Variants in TNFSF4 observed in about 807,000 individuals in gnomAD.
TNFSF4 encodes TNF superfamily member 4.
A neutral mutation model predicts 7.3 loss-of-function variants in TNFSF4; 4 were observed. The observed-to-expected ratio is 0.55, with a 90% CI of 0.27 to 1.25. The LOEUF (loss-of-function observed/expected upper bound fraction) is 1.25. Ranked by LOEUF, TNFSF4 falls within the 50% of genes most tolerant of loss-of-function variation. TNFSF4 has a pLI of 0.12. For synonymous variants in TNFSF4, 76 were observed against 83.7 expected (o/e 0.91, Z 0.50); for missense variants, 181 against 208.8 (o/e 0.87, Z 0.82).
At chr1:173,228,008 G>T in the TNFSF4 span, among the ~76,000 whole-genome samples, 3 of 152,328 alleles carry the variant, frequency 2.0e-5, no homozygotes, top group East Asian at 5.8e-4. Context: ...CCACCTCTGG[G>T]GGCGGGGCAT....
the TNFSF4 span, among the ~76,000 whole-genome samples, chr1:173,397,126 G>C: frequency 6.6e-6 from 1 of 152,184 alleles, no homozygotes; most frequent in Non-Finnish European, 1.5e-5. Context: ...GGTGTTCCTA[G>C]AAGTAAAATA....
the TNFSF4 span, among the ~76,000 whole-genome samples, chr1:173,411,791 ACT>A: frequency 0.54 from 81,187 of 150,668 alleles, 23,740 homozygotes; most frequent in Middle Eastern, 0.73. Context: ...AAAGAGTGAG[ACT>A]CTCTCAAAAA....
chr1:173,189,528 T>C lies in TNFSF4; in HGVS notation c.154-959A>G, dbSNP rs1649384055. Among the ~76,000 whole-genome samples the C allele has an allele frequency of 1.3e-5, 2 of 152,182 alleles. 1 individual carries two copies. The highest frequency in any genetic ancestry group is 4.1e-4 in the South Asian group (2 of 4,832). ...TTGAATTAAGTCAGTATTCAATTGC[T>C]AAAAGAGAAGTAAAACAGTGAAGAC... On this transcript the variant is annotated intron_variant, in intron 1 of 2. Coordinates refer to ENST00000281834, the MANE Select transcript of TNFSF4 (RefSeq NM_003326.5).
rs183914314 is a variant in TNFSF4 at position 173,186,408 on chromosome 1, G to A, written c.*108C>T. ...GGATCTGCTTCTTGTCACATCCCAC[G>A]TGGCTGAGCTGGGAGGCTCCTTCAC... On this transcript the variant is annotated 3_prime_UTR_variant, in exon 3 of 3. Transcript: ENST00000281834. 1.6e-5 allele frequency: 14 copies of A among 883,060 alleles called. No homozygotes were observed. Among genetic ancestry groups the A allele is most frequent in the Admixed American group, 1.1e-4 (4 of 36,816 alleles). 54.7% of individuals were successfully genotyped at this position (883,060 alleles called of 1,614,324 possible).
chr1:173,346,947 C>A, the TNFSF4 span, among the ~76,000 whole-genome samples: 1 of 152,202 alleles, frequency 6.6e-6, no homozygotes, highest in Admixed American at 6.5e-5. Flanking sequence ...TAAACAATAA[C>A]TAGTATTCAA....
At chr1:173,342,965 C>T in the TNFSF4 span, among the ~76,000 whole-genome samples, 2 of 152,288 alleles carry the variant, frequency 1.3e-5, no homozygotes, top group East Asian at 1.9e-4. Context: ...CAGCACTCAG[C>T]AAGAGTCTAA....
chr1:173,443,547 C>T, the TNFSF4 span, among the ~76,000 whole-genome samples: 144,708 of 152,260 alleles, frequency 0.95, 69,248 homozygotes, highest in East Asian at 1. Flanking sequence ...GTCCTATTTT[C>T]GAAGAAAGAT....
chr1:173,228,909 T>C, the TNFSF4 span, among the ~76,000 whole-genome samples: 1 of 152,136 alleles, frequency 6.6e-6, no homozygotes, highest in Non-Finnish European at 1.5e-5. Context: ...GAACAAGGAC[T>C]CCAAGAAATA....
At chr1:173,259,388 G>A in the TNFSF4 span, among the ~76,000 whole-genome samples, 1 of 151,416 alleles carries the variant, frequency 6.6e-6, no homozygotes, top group East Asian at 1.9e-4. Context: ...ACAAAGATGA[G>A]AGTTAATACA....
At chr1:173,369,654 T>G in the TNFSF4 span, among the ~76,000 whole-genome samples, 1 of 152,124 alleles carries the variant, frequency 6.6e-6, no homozygotes, top group Non-Finnish European at 1.5e-5. Context: ...TGGGACCAAC[T>G]GGACTCATAA....
the TNFSF4 span, among the ~76,000 whole-genome samples, chr1:173,381,980 G>A: frequency 0.015 from 2,299 of 152,226 alleles, 57 homozygotes; most frequent in African/African-American, 0.053. Flanking sequence ...TCAGCAGGAC[G>A]TGGGCAGGGT....
the TNFSF4 span, among the ~76,000 whole-genome samples, chr1:173,213,860 G>T: frequency 1.3e-5 from 2 of 152,288 alleles, no homozygotes; most frequent in Non-Finnish European, 2.9e-5. Flanking sequence ...ACTAAGGGTA[G>T]ATTTGCCCCC....
the TNFSF4 span, among the ~76,000 whole-genome samples, chr1:173,401,432 T>A: frequency 6.6e-6 from 1 of 152,188 alleles, no homozygotes; most frequent in South Asian, 2.1e-4. Context: ...TGTTTACAGA[T>A]GAAATGGGTG....
chr1:173,389,292 T>C, the TNFSF4 span, among the ~76,000 whole-genome samples: 1 of 152,208 alleles, frequency 6.6e-6, no homozygotes, highest in Non-Finnish European at 1.5e-5. Context: ...ATCATGTCTA[T>C]GACTACCAGA....
the TNFSF4 span, among the ~76,000 whole-genome samples, chr1:173,249,175 A>G: frequency 6.6e-6 from 1 of 152,234 alleles, no homozygotes; most frequent in Non-Finnish European, 1.5e-5. Flanking sequence ...TGAATTCATG[A>G]CAGGACCATT....
chr1:173,276,669 T>G, the TNFSF4 span, among the ~76,000 whole-genome samples: 3 of 152,148 alleles, frequency 2.0e-5, no homozygotes, highest in Admixed American at 6.6e-5. Context: ...TATTTGACAT[T>G]TCAAATTTGC....
chr1:173,198,633 CA>C (rs1649809152), intron 1 of TNFSF4, among the ~76,000 whole-genome samples: 1 of 152,146 alleles, frequency 6.6e-6, no homozygotes, highest in African/African-American at 2.4e-5. Flanking sequence ...AACAAACAAA[CA>C]AAAAGATTAT....
chr1:173,288,491 A>G, the TNFSF4 span, among the ~76,000 whole-genome samples: 1 of 152,148 alleles, frequency 6.6e-6, no homozygotes, highest in Non-Finnish European at 1.5e-5. Flanking sequence ...AAAGATATAA[A>G]AAATTTAAAC....
chr1:173,301,697 A>G, the TNFSF4 span, among the ~76,000 whole-genome samples: 2 of 151,702 alleles, frequency 1.3e-5, no homozygotes, highest in South Asian at 4.1e-4. Flanking sequence ...ACACCACCAC[A>G]CTGTCACTCC....
Sources: allele counts gnomAD v4.1 joint callset (sites outside exome capture counted in the v4.1 genomes callset), GRCh38; gene constraint gnomAD v4.1.1; transcripts MANE v1.5; gene names NCBI Gene and HGNC (gene_info 2026-07-23, HGNC 2026-07-21).